Variants in AHRR observed in about 807,000 individuals in gnomAD.
AHRR encodes aryl hydrocarbon receptor repressor, also known as ahR repressor.
A neutral mutation model predicts 44.0 loss-of-function variants in AHRR; 28 were observed. The observed-to-expected ratio is 0.64, with a 90% CI of 0.47 to 0.87. The LOEUF is 0.87. AHRR is among the 40% of genes least tolerant of loss of function. AHRR has a pLI of 0.00. For missense variants in AHRR, 990 were observed against 953.9 expected, an observed-to-expected ratio of 1.04 and a Z score of -0.50; for synonymous variants, 434 against 407.0, an observed-to-expected ratio of 1.07 and a Z score of -0.80.
chr5:364,282 G>T (rs988251535), intron 3 of AHRR, among the ~76,000 whole-genome samples: 8 of 152,216 alleles, frequency 5.3e-5, no homozygotes, highest in Non-Finnish European at 8.8e-5. Context: ...CCAGGTGGAA[G>T]ATTTGAGATG....
In AHRR at chr5:438,219, G is replaced by T. The variant is rs1737180969; in HGVS notation, c.*3385G>T. The T allele has an allele frequency of 6.6e-6, 1 of 152,326 alleles. No individual in the cohort carries two copies. The highest frequency in any genetic ancestry group is 2.4e-5 in the African/African-American group (1 of 41,444). The allele number at this position is 152,326 out of a possible 1,614,324, so 9.4% of individuals were successfully genotyped here. A position where few individuals can be genotyped will look rare whatever the true frequency, so the allele number is the denominator to read the frequency against. Reference sequence around the variant, plus strand: ...GGAAGCTTTCAAATTTTTTTGTACTGTGGTTTGTATTAAATTTGCAATATT... The same window carrying T: ...GGAAGCTTTCAAATTTTTTTGTACTTTGGTTTGTATTAAATTTGCAATATT... On this transcript the variant is annotated 3_prime_UTR_variant, in exon 11 of 11. Transcript: ENST00000684583.
Position 429,346 on chromosome 5 carries a change from G to T in AHRR, c.908+1340G>T, listed in dbSNP as rs374875184. ...GGGCCGGGGCCGCCAGGATGCCGGA[G>T]ATCCAACTTCCTCTCAGAGAATCGT... On this transcript the variant is annotated intron_variant, in intron 8 of 10. Coordinates refer to ENST00000684583, the MANE Select transcript of AHRR (RefSeq NM_001377236.1). 1.3e-3 allele frequency among the ~76,000 whole-genome samples: 204 copies of T among 152,272 alleles called. 11 individuals carry two copies. In the East Asian group the frequency reaches 0.018, roughly 14 times the overall value.
rs561070891 is a variant in AHRR at position 423,818 on chromosome 5, C to G, written c.572-23C>G. 493 of 1,579,804 alleles carry G rather than the reference C, an allele frequency of 3.1e-4. 6 individuals are homozygous for G. In the South Asian group the frequency reaches 5.0e-3, roughly 16 times the overall value. On this transcript the variant is annotated intron_variant, in intron 6 of 10. Transcript: ENST00000684583. ...GTTTTGGCTTCTCCCACCGCCACGC[C>G]CCTTGGCCCCTATGGTCTGCAGGAG...
At position 411,900 on chromosome 5, in the gene AHRR, TGGGC is replaced by T. The variant is rs1181162082; in HGVS notation, c.352-1442_352-1439del. On this transcript the variant is annotated intron_variant, in intron 4 of 10. Transcript: ENST00000684583. The surrounding 1 kb of genome is among the most constrained non-coding windows in gnomAD (Gnocchi z 4.2). ...TTCTACCTCGTGTGGGATGTGAGACTGGGCGAGATATTCCACCTGGTAGCCTGTG... is the reference window on the plus strand; with the variant it reads ...TTCTACCTCGTGTGGGATGTGAGACTGAGATATTCCACCTGGTAGCCTGTG... Among the ~76,000 whole-genome samples the T allele has an allele frequency of 5.9e-5, 9 of 152,222 alleles. No individual in the cohort carries two copies. Among genetic ancestry groups the T allele is most frequent in the Admixed American group, 3.3e-4 (5 of 15,278 alleles).
intron 7 of AHRR, among the ~76,000 whole-genome samples, chr5:424,322 G>T (rs559799478): frequency 6.7e-6 from 1 of 149,918 alleles, no homozygotes; most frequent in Non-Finnish European, 1.5e-5. Context: ...TGGTGGGTGG[G>T]AGAGGGCTGG....
chr5:429,862 G>A (rs915878389), intron 8 of AHRR, among the ~76,000 whole-genome samples: 3 of 152,226 alleles, frequency 2.0e-5, no homozygotes, highest in Non-Finnish European at 4.4e-5. Context: ...CAGATTCTTC[G>A]TGGTGTGACT....
At chr5:336,790 A>G (rs972004987) in intron 1 of AHRR, among the ~76,000 whole-genome samples, 2 of 152,148 alleles carry the variant, frequency 1.3e-5, no homozygotes, top group Non-Finnish European at 2.9e-5. Context: ...TTATATTTTT[A>G]GCTCTTACAT....
At chr5:425,644 G>A (rs993680039) in intron 7 of AHRR, among the ~76,000 whole-genome samples, 2 of 152,160 alleles carry the variant, frequency 1.3e-5, no homozygotes, top group Non-Finnish European at 2.9e-5. Flanking sequence ...ATTTCTAGGT[G>A]ACCCAAAATT....
At chr5:327,097 G>A (rs1209147989) in intron 1 of AHRR, among the ~76,000 whole-genome samples, 5 of 152,128 alleles carry the variant, frequency 3.3e-5, no homozygotes, top group East Asian at 3.9e-4. Context: ...CATCCTAGTC[G>A]TATAAATGGT....
chr5:345,412 C>CTG lies in AHRR; in HGVS notation c.62+1461_62+1462dup, dbSNP rs1306383014. On this transcript the variant is annotated intron_variant, in intron 2 of 10. Transcript: ENST00000684583. ...TGTGTGTGTCGGATGATGTCCCTGG[C>CTG]TGTGTGTGTGTGTGGGTGTGCGTGT... Among the ~76,000 whole-genome samples the CTG allele has an allele frequency of 1.4e-4, 11 of 79,814 alleles. 1 individual carries two copies. The highest frequency in any genetic ancestry group is 3.9e-4 in the South Asian group (1 of 2,584). The allele number at this position is 79,814 out of a possible 152,430, so 52.4% of individuals were successfully genotyped here.
In AHRR at chr5:383,017, T is replaced by A. The variant is rs1439094401; in HGVS notation, c.351+6301T>A. 2.0e-5 allele frequency among the ~76,000 whole-genome samples: 3 copies of A among 152,262 alleles called. No individual in the cohort carries two copies. Among genetic ancestry groups the A allele is most frequent in the Non-Finnish European group, 4.4e-5 (3 of 68,032 alleles). On this transcript the variant is annotated intron_variant, in intron 4 of 10. Transcript: ENST00000684583. This position sits in a 1 kb window ranked among gnomAD's most constrained non-coding sequence, Gnocchi z 4.0. The stretch of plus-strand genomic sequence containing the variant: ...TTCTAATTTTACTTGGAACTTTCTC[T>A]TCAACTTGTGTTATTTAGAAGTATG...
rs1201098586 is a variant in AHRR at position 406,080 on chromosome 5, T to C, written c.352-7264T>C. The stretch of plus-strand genomic sequence containing the variant: ...AAAAGGTAGAAATTCTGCAACAAAA[T>C]TAACTGGGGAAAAAAAAACTAGGGA... On this transcript the variant is annotated intron_variant, in intron 4 of 10. Transcript: ENST00000684583. This position sits in a 1 kb window ranked among gnomAD's most constrained non-coding sequence, Gnocchi z 4.7. 6.6e-6 allele frequency among the ~76,000 whole-genome samples: 1 copy of C among 151,888 alleles called. No individual in the cohort carries two copies. Among genetic ancestry groups the C allele is most frequent in the Non-Finnish European group, 1.5e-5 (1 of 67,968 alleles).
chr5:367,321 G>T (rs997061785), intron 3 of AHRR, among the ~76,000 whole-genome samples: 1 of 152,214 alleles, frequency 6.6e-6, no homozygotes, highest in Non-Finnish European at 1.5e-5. Flanking sequence ...GTGTGCATTT[G>T]TATGTTTGTG....
chr5:417,985 A>G (rs1735902795), intron 5 of AHRR, among the ~76,000 whole-genome samples: 1 of 152,230 alleles, frequency 6.6e-6, no homozygotes, highest in Admixed American at 6.5e-5. Flanking sequence ...CGTATATTTT[A>G]GTTGCCATTG....
chr5:428,600 G>A (rs1216330166), intron 8 of AHRR, among the ~76,000 whole-genome samples: 1 of 152,242 alleles, frequency 6.6e-6, no homozygotes, highest in Non-Finnish European at 1.5e-5. Flanking sequence ...CACAGACTGG[G>A]AGTGGGGGGA....
chr5:336,653 C>T (rs533382511), intron 1 of AHRR, among the ~76,000 whole-genome samples: 2 of 142,814 alleles, frequency 1.4e-5, no homozygotes, highest in Non-Finnish European at 3.0e-5. Flanking sequence ...TGATGAAGTC[C>T]AATTTATCAA....
chr5:424,144 G>T (rs902146079), intron 7 of AHRR, among the ~76,000 whole-genome samples, 167 bp downstream of exon 7: 1 of 150,676 alleles, frequency 6.6e-6, no homozygotes, highest in Non-Finnish European at 1.5e-5. Context: ...TGGTGTGGGG[G>T]TGTTAACCCA....
rs11285209 is a variant in AHRR, at chr5:412,715, C to CT, written c.352-608dup. ...GAGTTCAACATTTTTCTCTCTCTCT[C>CT]TTTTTTTTTTTTTTTTTTTTTCTGA... is the stretch of plus-strand genomic sequence containing the variant. On this transcript the variant is annotated intron_variant, in intron 4 of 10. Coordinates refer to ENST00000684583, the MANE Select transcript of AHRR (RefSeq NM_001377236.1). Among the ~76,000 whole-genome samples the CT allele has an allele frequency of 7.8e-3, 760 of 96,894 alleles. 12 individuals carry two copies. Among genetic ancestry groups the CT allele is most frequent in the African/African-American group, 0.02 (524 of 26,684 alleles). 63.6% of individuals were successfully genotyped at this position (96,894 alleles called of 152,430 possible). A position where few individuals can be genotyped will look rare whatever the true frequency, so the allele number is the denominator to read the frequency against.
intron 4 of AHRR, among the ~76,000 whole-genome samples, chr5:396,416 C>G (rs1035345699): frequency 3.3e-5 from 5 of 152,150 alleles, no homozygotes; most frequent in Non-Finnish European, 7.4e-5. Context: ...GCGGGCGGCC[C>G]CAGCCTCACC....
Sources: allele counts gnomAD v4.1 joint callset (sites outside exome capture counted in the v4.1 genomes callset), GRCh38; gene constraint gnomAD v4.1.1; non-coding constraint Gnocchi (gnomAD v3.1); transcripts MANE v1.5; gene names NCBI Gene and HGNC (gene_info 2026-07-23, HGNC 2026-07-21).